The following GRM7 variants were observed in gnomAD, a reference collection of about 807,000 sequenced individuals.
GRM7 encodes metabotropic glutamate receptor 7.
A neutral mutation model predicts 84.5 loss-of-function variants in GRM7; 35 were observed. The observed-to-expected ratio is 0.41, with a 90% CI of 0.32 to 0.55. The LOEUF (loss-of-function observed/expected upper bound fraction) is 0.55. Ranked by LOEUF, GRM7 falls within the 20% of genes least tolerant of loss-of-function variation. The pLI, the probability that GRM7 is intolerant of heterozygous loss-of-function variation, is 0.19. For missense variants in GRM7, 1,003 were observed against 1,194.6 expected (o/e 0.84, Z 2.36); for synonymous variants, 487 against 455.1 (o/e 1.07, Z -0.89).
chr3:7,305,847 C>A (rs940131379), intron 3 of GRM7, among the ~76,000 whole-genome samples: 1 of 152,108 alleles, frequency 6.6e-6, no homozygotes, highest in African/African-American at 2.4e-5. Context: ...TTTTTCTGAT[C>A]TACCAATGCA....
At chr3:6,871,175 A>G (rs1277986327) in intron 1 of GRM7, among the ~76,000 whole-genome samples, 1 of 152,164 alleles carries the variant, frequency 6.6e-6, no homozygotes, top group East Asian at 1.9e-4. Flanking sequence ...TTCTGGTCAG[A>G]CACCATAACT....
intron 1 of GRM7, among the ~76,000 whole-genome samples, chr3:6,912,159 T>C (rs1213126478): frequency 6.6e-6 from 1 of 152,164 alleles, no homozygotes; most frequent in Admixed American, 6.6e-5. Flanking sequence ...CATTAATTGA[T>C]ATCAAGTAAA....
chr3:7,379,049 G>A (rs573061868), intron 4 of GRM7, among the ~76,000 whole-genome samples: 17 of 152,146 alleles, frequency 1.1e-4, no homozygotes, highest in South Asian at 4.2e-4. Flanking sequence ...AGTGCCAGGC[G>A]TCTTCTGGGC....
intron 2 of GRM7, among the ~76,000 whole-genome samples, chr3:7,147,960 C>T (rs992881039): frequency 2.0e-5 from 3 of 152,076 alleles, no homozygotes; most frequent in Admixed American, 1.3e-4. Flanking sequence ...GTATAATTTC[C>T]TATTTGTTTG....
At chr3:7,251,891 T>C (rs1351122570) in intron 2 of GRM7, among the ~76,000 whole-genome samples, 1 of 152,336 alleles carries the variant, frequency 6.6e-6, no homozygotes, top group African/African-American at 2.4e-5. Flanking sequence ...TAGTTATTAC[T>C]ATTCCATTTT....
intron 1 of GRM7, among the ~76,000 whole-genome samples, chr3:6,997,329 C>A (rs1343759491): frequency 6.6e-6 from 1 of 152,084 alleles, no homozygotes; most frequent in Non-Finnish European, 1.5e-5. Flanking sequence ...TAAAGACATA[C>A]CCATAACTAG....
chr3:7,008,949 C>T (rs1695276258), intron 1 of GRM7, among the ~76,000 whole-genome samples: 1 of 152,100 alleles, frequency 6.6e-6, no homozygotes, highest in African/African-American at 2.4e-5. Flanking sequence ...ATGACTATCT[C>T]ATAAAATGTA....
intron 2 of GRM7, among the ~76,000 whole-genome samples, chr3:7,266,321 T>C (rs780256146): frequency 1.3e-5 from 2 of 152,230 alleles, no homozygotes; most frequent in Non-Finnish European, 2.9e-5. Context: ...AGTTTGAATA[T>C]ACCATGCTTG....
intron 4 of GRM7, among the ~76,000 whole-genome samples, chr3:7,388,387 A>G (rs1311468349): frequency 6.6e-6 from 1 of 152,096 alleles, no homozygotes; most frequent in African/African-American, 2.4e-5. Flanking sequence ...CATCAGTGAC[A>G]TTGGCCTGTA....
chr3:7,707,545 G>A (rs1442916392), intron 9 of GRM7, among the ~76,000 whole-genome samples: 2 of 152,124 alleles, frequency 1.3e-5, no homozygotes, highest in African/African-American at 4.8e-5. Context: ...AGAGCACCAT[G>A]TTAAGTGGGC....
chr3:7,128,244 C>T (rs1693467084), intron 1 of GRM7, among the ~76,000 whole-genome samples: 2 of 151,912 alleles, frequency 1.3e-5, no homozygotes, highest in Admixed American at 1.3e-4. Context: ...AAATAAAATG[C>T]ATCTCATCAT....
At position 7,415,086 on chromosome 3, in the gene GRM7, A is replaced by G; in HGVS notation, c.1097A>G (p.Glu366Gly). The change falls in exon 5 of 10, where the codon GAA becomes GGA. Residue 366 changes from glutamate (E) to glycine (G), a missense_variant. By Grantham distance (98) the Glu-to-Gly change is moderately conservative (BLOSUM62 -2). Transcript: ENST00000357716. ...AACAGAAGAAATGTATGGTTTGCCG[A>G]ATACTGGGAGGAAAACTTCAACTGC... Reference protein sequence around the residue: ...ENNRRNVWFAEYWEENFNCKL... With the variant: ...ENNRRNVWFAGYWEENFNCKL... The G allele has an allele frequency of 6.2e-7, 1 of 1,612,844 alleles. No individual in the cohort carries two copies. The highest frequency in any genetic ancestry group is 8.5e-7 in the Non-Finnish European group (1 of 1,178,976).
At chr3:7,421,533 A>G (rs1192143443) in intron 5 of GRM7, among the ~76,000 whole-genome samples, 1 of 152,018 alleles carries the variant, frequency 6.6e-6, no homozygotes, top group Non-Finnish European at 1.5e-5. Context: ...AGTTACAAAG[A>G]GATTTTTTTT....
chr3:7,231,207 A>G (rs73809018), intron 2 of GRM7, among the ~76,000 whole-genome samples: 6,371 of 152,248 alleles, frequency 0.042, 362 homozygotes, highest in African/African-American at 0.14. Flanking sequence ...GACATGTGAG[A>G]TTGTGATTCC....
At chr3:7,411,739 C>T (rs1695945760) in intron 4 of GRM7, among the ~76,000 whole-genome samples, 1 of 152,114 alleles carries the variant, frequency 6.6e-6, no homozygotes, top group African/African-American at 2.4e-5. Flanking sequence ...GTAGTTATTA[C>T]AGGTATTACC....
At chr3:7,168,952 C>T (rs948142294) in intron 2 of GRM7, among the ~76,000 whole-genome samples, 11 of 152,176 alleles carry the variant, frequency 7.2e-5, no homozygotes, top group Admixed American at 5.2e-4. Flanking sequence ...AAGGTATCTG[C>T]ATTCTTATAT....
At chr3:7,619,385 C>A (rs79004621) in intron 8 of GRM7, among the ~76,000 whole-genome samples, 3,055 of 151,656 alleles carry the variant, frequency 0.02, 48 homozygotes, top group Non-Finnish European at 0.027. Context: ...TGTACACTTA[C>A]AAGTTAAGGA....
At chr3:7,228,847 G>C (rs1697068399) in intron 2 of GRM7, among the ~76,000 whole-genome samples, 1 of 152,128 alleles carries the variant, frequency 6.6e-6, no homozygotes, top group Non-Finnish European at 1.5e-5. Context: ...ATCTCATATG[G>C]GAAAGTATAA....
rs571602249 is a variant in GRM7 at position 7,112,899 on chromosome 3, A to G, written c.520-33553A>G. ...GACTACCACTTCCTGTTAACTTTGA[A>G]CAGAAGCTCCTTCCCTTTCAGCAGC... On this transcript the variant is annotated intron_variant, in intron 1 of 9. Coordinates refer to ENST00000357716, the MANE Select transcript of GRM7 (RefSeq NM_000844.4). Among the ~76,000 whole-genome samples, 5 of 152,304 alleles carry G rather than the reference A, an allele frequency of 3.3e-5. No homozygotes were observed. In the East Asian group the frequency reaches 7.7e-4, roughly 24 times the overall value.
Sources: allele counts gnomAD v4.1 joint callset (sites outside exome capture counted in the v4.1 genomes callset), GRCh38; gene constraint gnomAD v4.1.1; transcripts MANE v1.5; gene names NCBI Gene and HGNC (gene_info 2026-07-23, HGNC 2026-07-21).